Variants in ADGRG6 observed in about 807,000 individuals in gnomAD.
ADGRG6 encodes adhesion G protein-coupled receptor G6.
A neutral mutation model predicts 142.4 loss-of-function variants in ADGRG6; 84 were observed. The ratio of observed to expected loss-of-function variants is 0.59; its 90% CI spans 0.49 to 0.71. The LOEUF (loss-of-function observed/expected upper bound fraction) is 0.71, where lower values mean the gene tolerates loss of function less well. Among genes scored for constraint, ADGRG6 ranks in the 30% least tolerant of loss-of-function variants. ADGRG6 has a pLI of 0.00. For missense variants in ADGRG6, 1,367 were observed against 1,466.6 expected (o/e 0.93, Z 1.11); for synonymous variants, 521 against 520.5 (o/e 1.00, Z -0.01).
chr6:142,423,602 G>A (rs1353065770), intron 22 of ADGRG6, among the ~76,000 whole-genome samples: 3 of 144,714 alleles, frequency 2.1e-5, no homozygotes, highest in South Asian at 2.3e-4. Context: ...GTCAGGTAGT[G>A]TGATGCCTCC....
intron 2 of ADGRG6, among the ~76,000 whole-genome samples, chr6:142,318,755 G>T (rs1341889768): frequency 6.6e-6 from 1 of 151,930 alleles, no homozygotes; most frequent in African/African-American, 2.4e-5. Context: ...ATGCACAGAT[G>T]CATTATAAAT....
chr6:142,431,150 A>G (rs1777187713), intron 22 of ADGRG6, among the ~76,000 whole-genome samples: 1 of 152,128 alleles, frequency 6.6e-6, no homozygotes, highest in African/African-American at 2.4e-5. Context: ...TGGAAGTGAA[A>G]TGAAGGCAGG....
At chr6:142,369,862 A>T (rs1781149768) in intron 3 of ADGRG6, among the ~76,000 whole-genome samples, 1 of 152,224 alleles carries the variant, frequency 6.6e-6, no homozygotes, top group Non-Finnish European at 1.5e-5. Context: ...TGGGGTTTTT[A>T]AATTGTTAAT....
At chr6:142,329,378 A>G (rs942177720) in intron 2 of ADGRG6, among the ~76,000 whole-genome samples, 4 of 152,176 alleles carry the variant, frequency 2.6e-5, no homozygotes, top group African/African-American at 9.7e-5. Context: ...ATTAGTAACT[A>G]AAAGTAGCTA....
At chr6:142,426,464 C>G (rs948814825) in intron 22 of ADGRG6, among the ~76,000 whole-genome samples, 1 of 152,222 alleles carries the variant, frequency 6.6e-6, no homozygotes, top group African/African-American at 2.4e-5. Flanking sequence ...TGGTCTTGGG[C>G]AGCTCCATCC....
At chr6:142,389,425 C>T (rs1774757047) in intron 6 of ADGRG6, among the ~76,000 whole-genome samples, 1 of 151,840 alleles carries the variant, frequency 6.6e-6, no homozygotes, top group Non-Finnish European at 1.5e-5. Context: ...CTGTATCTTA[C>T]CATAATTTAA....
At chr6:142,418,181 G>A (rs187463314) in intron 21 of ADGRG6, among the ~76,000 whole-genome samples, 109 of 151,216 alleles carry the variant, frequency 7.2e-4, no homozygotes, top group Non-Finnish European at 1.3e-4. Flanking sequence ...TATAATCCCA[G>A]CTACTACTCG....
At chr6:142,423,949 A>C (rs1776802610) in intron 22 of ADGRG6, among the ~76,000 whole-genome samples, 7 of 41,556 alleles carry the variant, frequency 1.7e-4, no homozygotes, top group African/African-American at 5.2e-4. Context: ...ATGGGAGTTC[A>C]CTCATGATTT....
At chr6:142,381,269 T>C (rs1355846598) in intron 4 of ADGRG6, among the ~76,000 whole-genome samples, 11 of 152,188 alleles carry the variant, frequency 7.2e-5, no homozygotes, top group African/African-American at 2.2e-4. Context: ...TACACACATA[T>C]ACATATATAT....
intron 1 of ADGRG6, among the ~76,000 whole-genome samples, chr6:142,303,744 C>T (rs991378135): frequency 3.3e-5 from 5 of 151,960 alleles, no homozygotes; most frequent in Non-Finnish European, 7.4e-5. Context: ...TTCAGCTTTC[C>T]TAAGCATTTA....
chr6:142,310,913 A>G (rs1431521099), intron 2 of ADGRG6, among the ~76,000 whole-genome samples: 1 of 151,916 alleles, frequency 6.6e-6, no homozygotes, highest in African/African-American at 2.4e-5. Context: ...ATGATATGAG[A>G]TAAATTATGA....
intron 10 of ADGRG6, among the ~76,000 whole-genome samples, chr6:142,398,782 A>G (rs1488364324): frequency 1.3e-5 from 2 of 152,178 alleles, no homozygotes; most frequent in Non-Finnish European, 2.9e-5. Flanking sequence ...TTGAGCCTCT[A>G]CTTCATGCTG....
In ADGRG6 at chr6:142,405,812, A is replaced by G; in HGVS notation, c.2252A>G (p.Lys751Arg). The G allele has an allele frequency of 6.2e-7, 1 of 1,600,688 alleles. No homozygotes were observed. Among genetic ancestry groups the G allele is most frequent in the Non-Finnish European group, 8.5e-7 (1 of 1,174,244 alleles). The change falls in exon 15 of 25, where the codon AAA (lysine) becomes AGA (arginine). Residue 751 changes from lysine (K) to arginine (R), a missense_variant. Physicochemically the swap from Lys to Arg is conservative, Grantham distance 26 (BLOSUM62 2). Coordinates refer to ENST00000367609, the MANE Select transcript of ADGRG6 (RefSeq NM_198569.3). ...AGAGCACAGTTTACTTTCTTCAACA[A>G]AACTGGACTTTTCCAGGTAAGCACA... ...VRRAQFTFFN[K>R]TGLFQDVGPQ...
intron 12 of ADGRG6, 151 bp from the exon 13 acceptor site, chr6:142,402,469 C>T (rs1418714659): frequency 7.1e-6 from 4 of 561,480 alleles, no homozygotes; most frequent in South Asian, 2.4e-5. Context: ...AATATTATTG[C>T]CTTGTGAATA....
chr6:142,383,568 T>A (rs937995408), intron 5 of ADGRG6, among the ~76,000 whole-genome samples, 192 bp from the exon 6 acceptor site: 3 of 152,190 alleles, frequency 2.0e-5, no homozygotes, highest in African/African-American at 7.2e-5. Flanking sequence ...TCAAAGGCCA[T>A]GTGTACTGAT....
At chr6:142,314,394 T>G (rs1324305253) in intron 2 of ADGRG6, among the ~76,000 whole-genome samples, 1 of 152,078 alleles carries the variant, frequency 6.6e-6, no homozygotes, top group Non-Finnish European at 1.5e-5. Context: ...AGATCACGCT[T>G]GTCTCCAGGC....
Position 142,317,107 on chromosome 6 carries a change from A to G in ADGRG6, c.103+7463A>G, listed in dbSNP as rs190159806. Among the ~76,000 whole-genome samples, 225 of 152,246 alleles carry G rather than the reference A, an allele frequency of 1.5e-3. 2 individuals are homozygous for G. The highest frequency in any genetic ancestry group is 5.1e-3 in the African/African-American group (210 of 41,546). On this transcript the variant is annotated intron_variant, in intron 2 of 24. Coordinates refer to ENST00000367609, the MANE Select transcript of ADGRG6 (RefSeq NM_198569.3). ...TGGTTTTTCTCTCAGAGCTTTTGCT[A>G]AGTTGATACAGGACATTTTCCTTCC...
At chr6:142,328,166 T>C (rs1778869179) in intron 2 of ADGRG6, among the ~76,000 whole-genome samples, 1 of 152,182 alleles carries the variant, frequency 6.6e-6, no homozygotes, top group South Asian at 2.1e-4. Flanking sequence ...AAGCAAAGGC[T>C]ATGGAGGTTT....
chr6:142,345,100 A>T (rs1302987950), intron 2 of ADGRG6, among the ~76,000 whole-genome samples: 1 of 152,044 alleles, frequency 6.6e-6, no homozygotes, highest in Non-Finnish European at 1.5e-5. Context: ...GTCAAAAGAG[A>T]TGTGAGGAAC....
Sources: allele counts gnomAD v4.1 joint callset (sites outside exome capture counted in the v4.1 genomes callset), GRCh38; gene constraint gnomAD v4.1.1; transcripts MANE v1.5; gene names NCBI Gene and HGNC (gene_info 2026-07-23, HGNC 2026-07-21).